The following OSBPL10 variants were observed in gnomAD, a reference collection of about 807,000 sequenced individuals.
The protein encoded by OSBPL10 is oxysterol binding protein like 10.
Under a neutral mutation model 81.7 loss-of-function variants are expected in OSBPL10, and 49 were observed. That is an observed-to-expected ratio of 0.60 (90% CI 0.48 to 0.76). The LOEUF (loss-of-function observed/expected upper bound fraction) is 0.76, where lower values mean the gene tolerates loss of function less well. Among genes scored for constraint, OSBPL10 ranks in the 30% least tolerant of loss-of-function variants. OSBPL10 has a pLI of 0.00. For synonymous variants in OSBPL10, 419 were observed against 383.6 expected (o/e 1.09, Z -1.08); for missense variants, 923 against 987.8 (o/e 0.93, Z 0.88).
chr3:31,802,542 T>C (rs561069879), intron 4 of OSBPL10, among the ~76,000 whole-genome samples: 1 of 93,864 alleles, frequency 1.1e-5, no homozygotes, highest in Admixed American at 1.4e-4. Flanking sequence ...CACTCTAGCC[T>C]GGGTATCAAA....
chr3:31,777,389 CT>C (rs1698574484), intron 4 of OSBPL10, among the ~76,000 whole-genome samples: 1 of 152,126 alleles, frequency 6.6e-6, no homozygotes, highest in South Asian at 2.1e-4. Context: ...TATTGTCCCC[CT>C]AGCCTGCTGG....
At chr3:31,999,564 T>C (rs965820122) in intron 2 of OSBPL10, among the ~76,000 whole-genome samples, 2 of 152,006 alleles carry the variant, frequency 1.3e-5, no homozygotes, top group Non-Finnish European at 2.9e-5. Context: ...TTCTCCATGT[T>C]TTTTTAGGCT....
At chr3:31,844,503 T>C (rs1305281640) in intron 3 of OSBPL10, among the ~76,000 whole-genome samples, 1 of 152,236 alleles carries the variant, frequency 6.6e-6, no homozygotes, top group African/African-American at 2.4e-5. Context: ...TGCAACATTG[T>C]TGTTGAAACT....
At chr3:31,787,921 A>C (rs1436887484) in intron 4 of OSBPL10, among the ~76,000 whole-genome samples, 1 of 152,206 alleles carries the variant, frequency 6.6e-6, no homozygotes, top group Non-Finnish European at 1.5e-5. Context: ...TATAAATGGA[A>C]TATAGTTACT....
chr3:31,776,091 G>A (rs997226041), intron 4 of OSBPL10, among the ~76,000 whole-genome samples: 4 of 152,084 alleles, frequency 2.6e-5, no homozygotes, highest in Non-Finnish European at 2.9e-5. Context: ...TCTGATTAAA[G>A]AGCATAATGA....
intron 3 of OSBPL10, among the ~76,000 whole-genome samples, chr3:31,862,271 T>C (rs1474621900): frequency 1.3e-5 from 2 of 152,158 alleles, no homozygotes. Flanking sequence ...CTATCTTTAA[T>C]GTGCCCCAGC....
chr3:31,746,772 A>G (rs1456588299), intron 5 of OSBPL10, among the ~76,000 whole-genome samples: 1 of 141,072 alleles, frequency 7.1e-6, no homozygotes, highest in Non-Finnish European at 1.5e-5. Context: ...GAATTGAACA[A>G]TGAGAACACA....
intron 1 of OSBPL10, among the ~76,000 whole-genome samples, chr3:31,916,723 TC>T (rs1696768171): frequency 6.6e-6 from 1 of 152,164 alleles, no homozygotes; most frequent in Non-Finnish European, 1.5e-5. Flanking sequence ...GCTCTCTAAA[TC>T]CCTGATTAAT....
rs1348091269 is a variant in OSBPL10 at position 31,837,352 on chromosome 3, TATATATATATATATATATATATAGTA to T, written c.538-7147_538-7122del. 3.2e-3 allele frequency among the ~76,000 whole-genome samples: 97 copies of T among 30,082 alleles called. 4 individuals are homozygous for T. The East Asian group carries it at 0.1, about 32-fold the overall frequency. The allele number at this position is 30,082 out of a possible 152,430, so 19.7% of individuals were successfully genotyped here. On this transcript the variant is annotated intron_variant, in intron 3 of 11. Transcript: ENST00000396556. ...ATATATATATATATATATATATATA[TATATATATATATATATATATATAGTA>T]AGTAACATAACACAGAGACCTTTAA...
At chr3:31,720,430 G>C (rs1010671025) in intron 6 of OSBPL10, among the ~76,000 whole-genome samples, 21 of 152,180 alleles carry the variant, frequency 1.4e-4, no homozygotes, top group African/African-American at 4.8e-4. Context: ...AGCAAAGCCA[G>C]GCATTTCTTT....
intron 6 of OSBPL10, among the ~76,000 whole-genome samples, chr3:31,723,777 T>A (rs1027380563): frequency 1.3e-5 from 2 of 152,216 alleles, no homozygotes; most frequent in Non-Finnish European, 2.9e-5. Context: ...TACTCTTTTC[T>A]TCCATAACAT....
In OSBPL10 at chr3:31,661,947, T is replaced by C. The variant is rs568561464; in HGVS notation, c.*125A>G. ...CTTTTCATAGTATATAATTTCTCTC[T>C]CTCTCATCATTTCTTGGATGCTAAT... On this transcript the variant is annotated 3_prime_UTR_variant, in exon 12 of 12. Coordinates refer to ENST00000396556, the MANE Select transcript of OSBPL10 (RefSeq NM_017784.5). 93 of 1,359,290 alleles carry C rather than the reference T, an allele frequency of 6.8e-5. No individual in the cohort carries two copies. In the South Asian group the frequency reaches 1.1e-3, roughly 17 times the overall value. The allele number at this position is 1,359,290 out of a possible 1,614,324, so 84.2% of individuals were successfully genotyped here.
chr3:31,874,491 C>T (rs892077330), intron 3 of OSBPL10, among the ~76,000 whole-genome samples: 1 of 152,054 alleles, frequency 6.6e-6, no homozygotes, highest in African/African-American at 2.4e-5. Context: ...AAAAAAAATC[C>T]TTTGTACACA....
chr3:31,918,335 T>C (rs1375409954), intron 1 of OSBPL10, among the ~76,000 whole-genome samples: 2 of 151,850 alleles, frequency 1.3e-5, no homozygotes, highest in East Asian at 1.9e-4. Context: ...TTTTCTTTTT[T>C]TTTTTTTTAA....
intron 1 of OSBPL10, among the ~76,000 whole-genome samples, chr3:31,921,627 A>AT (rs1303280509): frequency 6.6e-6 from 1 of 152,228 alleles, no homozygotes; most frequent in African/African-American, 2.4e-5. Context: ...GTTACTCAAT[A>AT]AATGGAGAAG....
intron 7 of OSBPL10, among the ~76,000 whole-genome samples, chr3:31,686,885 C>T (rs1159633207): frequency 6.6e-6 from 1 of 152,174 alleles, no homozygotes; most frequent in African/African-American, 2.4e-5. Context: ...TGTTCTCCCA[C>T]CACTTAGCTG....
intron 1 of OSBPL10, among the ~76,000 whole-genome samples, chr3:31,958,265 TAATG>T (rs1698064768): frequency 6.6e-6 from 1 of 152,284 alleles, no homozygotes; most frequent in African/African-American, 2.4e-5. Flanking sequence ...CTGAAGTAAA[TAATG>T]AGTGAAGTAT....
At chr3:31,944,561 T>C (rs1321502105) in intron 1 of OSBPL10, among the ~76,000 whole-genome samples, 2 of 152,158 alleles carry the variant, frequency 1.3e-5, no homozygotes, top group African/African-American at 4.8e-5. Context: ...ACCACCTTCC[T>C]GATAGCTGTC....
rs114519236 is a variant in OSBPL10, at chr3:31,681,923, T to A, written c.1726+1711A>T. On this transcript the variant is annotated intron_variant, in intron 8 of 11. Coordinates refer to ENST00000396556, the MANE Select transcript of OSBPL10 (RefSeq NM_017784.5). ...CCCTAACAACCGCCCTGAGCTCCCA[T>A]ACTCTTCCTTCAAAGTAGCCCAATA... is the stretch of plus-strand genomic sequence containing the variant. Among the ~76,000 whole-genome samples, 1,297 of 152,264 alleles carry A rather than the reference T, an allele frequency of 8.5e-3. 11 individuals carry two copies. Among genetic ancestry groups the A allele is most frequent in the African/African-American group, 0.029 (1,225 of 41,548 alleles).
Sources: allele counts gnomAD v4.1 joint callset (sites outside exome capture counted in the v4.1 genomes callset), GRCh38; gene constraint gnomAD v4.1.1; transcripts MANE v1.5; gene names NCBI Gene and HGNC (gene_info 2026-07-23, HGNC 2026-07-21).